Variants in LPP observed in about 807,000 individuals in gnomAD.
The protein encoded by LPP is LIM domain containing preferred translocation partner in lipoma.
In LPP, 38 loss-of-function variants were observed where a neutral mutation model predicts 60.4. The observed-to-expected ratio is 0.63, with a 90% confidence interval of 0.49 to 0.83. LPP has a LOEUF of 0.83. LPP is among the 40% of genes least tolerant of loss of function. The pLI is 0.00. For missense variants in LPP, 902 were observed against 783.6 expected, an observed-to-expected ratio of 1.15 and a Z score of -1.80; for synonymous variants, 328 against 290.8, an observed-to-expected ratio of 1.13 and a Z score of -1.30.
intron 5 of LPP, among the ~76,000 whole-genome samples, chr3:188,516,997 T>A (rs1366744379): frequency 6.6e-6 from 1 of 152,224 alleles, no homozygotes; most frequent in African/African-American, 2.4e-5. Flanking sequence ...TTACTTTTGA[T>A]CAAAGTACTT....
intron 8 of LPP, among the ~76,000 whole-genome samples, chr3:188,714,123 C>T (rs934033103): frequency 1.3e-5 from 2 of 152,136 alleles, no homozygotes; most frequent in African/African-American, 2.4e-5. Context: ...GTTGTTCAAG[C>T]TCACATAGCT....
chr3:188,680,949 G>A (rs1274758444), intron 7 of LPP, among the ~76,000 whole-genome samples: 2 of 151,384 alleles, frequency 1.3e-5, no homozygotes, highest in Admixed American at 1.3e-4. Context: ...TGAGAATGCA[G>A]CTCCAGCTGA....
chr3:188,176,987 C>A (rs544225341), intron 1 of LPP, among the ~76,000 whole-genome samples: 1 of 152,340 alleles, frequency 6.6e-6, no homozygotes, highest in East Asian at 1.9e-4. Context: ...TTGAAATAGA[C>A]TTAGCTTAAG....
chr3:188,265,853 T>C (rs1423467396), intron 2 of LPP, among the ~76,000 whole-genome samples: 1 of 148,750 alleles, frequency 6.7e-6, no homozygotes, highest in Non-Finnish European at 1.5e-5. Flanking sequence ...GTAAAAGGGC[T>C]GTGATAGGAT....
chr3:188,169,513 G>A (rs1720944685), intron 1 of LPP, among the ~76,000 whole-genome samples: 1 of 152,206 alleles, frequency 6.6e-6, no homozygotes. Context: ...TGTTAAGGCT[G>A]TTTTATTAAG....
intron 1 of LPP, among the ~76,000 whole-genome samples, chr3:188,162,719 CA>C (rs1046087423): frequency 6.6e-5 from 10 of 152,186 alleles, no homozygotes; most frequent in African/African-American, 2.4e-4. Context: ...TTGTGAGAAT[CA>C]GGGGCATTTC....
At chr3:188,556,041 G>C (rs1414395246) in intron 6 of LPP, among the ~76,000 whole-genome samples, 2 of 152,134 alleles carry the variant, frequency 1.3e-5, no homozygotes, top group African/African-American at 4.8e-5. Context: ...TGTGCTTCAA[G>C]AGTGAGTGTG....
intron 3 of LPP, among the ~76,000 whole-genome samples, chr3:188,374,895 T>G (rs1196541588): frequency 6.6e-6 from 1 of 152,072 alleles, no homozygotes; most frequent in Non-Finnish European, 1.5e-5. Context: ...ATACCTAATT[T>G]ATTGAGAGTT....
At chr3:188,660,679 ATT>A (rs942336938) in intron 7 of LPP, among the ~76,000 whole-genome samples, 4 of 150,784 alleles carry the variant, frequency 2.7e-5, no homozygotes, top group Non-Finnish European at 5.9e-5. Context: ...TTAAATAGGC[ATT>A]TTACTTTTAA....
chr3:188,280,211 C>A (rs6444277), intron 2 of LPP, among the ~76,000 whole-genome samples: 1 of 151,954 alleles, frequency 6.6e-6, no homozygotes, highest in Non-Finnish European at 1.5e-5. Context: ...TTTTGTAACC[C>A]GAAGAGGGTG....
Position 188,874,447 on chromosome 3 carries a change from G to A in LPP, c.1807G>A (p.Val603Met), listed in dbSNP as rs781398876. 6.8e-6 allele frequency: 11 copies of A among 1,614,070 alleles called. No homozygotes were observed. In the East Asian group the frequency reaches 2.0e-4, roughly 29 times the overall value. The change falls in exon 12 of 12, where the codon GTG (valine) becomes ATG (methionine). Residue 603 changes from valine (V) to methionine (M), a missense_variant. Val to Met is a conservative substitution (Grantham distance 21). Transcript: ENST00000617246. ...CKTCNSARIR[V>M]LTAKASTDL ...GACCTGCAACTCTGCCCGCATCAGG[G>A]TGTTGACCGCCAAGGCGAGCACTGA...
chr3:188,269,645 A>ATGTGTGTGTGTGTGTGTGTGTG (rs368115626), intron 2 of LPP, among the ~76,000 whole-genome samples: 5 of 136,514 alleles, frequency 3.7e-5, no homozygotes, highest in Admixed American at 7.3e-5. Context: ...CTTTTTTTTT[A>ATGTGTGTGTGTGTGTGTGTGTG]TGTGTGTGTG....
chr3:188,541,910 AC>A (rs909411582), intron 6 of LPP, among the ~76,000 whole-genome samples: 21 of 152,288 alleles, frequency 1.4e-4, no homozygotes, highest in African/African-American at 4.3e-4. Flanking sequence ...ACACAAAAAA[AC>A]AAAAACAAAA....
chr3:188,434,249 ATGTCAATGTAATATATAT>A (rs1309440136), intron 4 of LPP, among the ~76,000 whole-genome samples: 2 of 152,196 alleles, frequency 1.3e-5, no homozygotes, highest in East Asian at 3.8e-4. Flanking sequence ...ATATATGTAC[ATGTCAATGTAATATATAT>A]TGTCAATGTA....
At position 188,608,639 on chromosome 3, in the gene LPP, T is replaced by C. The variant is rs1483437001; in HGVS notation, c.430-522T>C. On this transcript the variant is annotated intron_variant, in intron 6 of 11. Transcript: ENST00000617246. ...GCTTTGTTCTTGGCTTCAAGATTGA[T>C]AAGGCTTTTTGTGGTCTTTTGTGGT... Among the ~76,000 whole-genome samples, 7 of 152,356 alleles carry C rather than the reference T, an allele frequency of 4.6e-5. No homozygotes were observed. The East Asian group carries it at 1.3e-3, about 29-fold the overall frequency.
At chr3:188,678,333 T>G (rs1471355452) in intron 7 of LPP, among the ~76,000 whole-genome samples, 2 of 152,342 alleles carry the variant, frequency 1.3e-5, no homozygotes, top group East Asian at 3.9e-4. Flanking sequence ...ACAGCTCAGA[T>G]TTATTTCTAT....
intron 6 of LPP, among the ~76,000 whole-genome samples, chr3:188,525,293 T>C (rs1186072119): frequency 6.6e-6 from 1 of 152,140 alleles, no homozygotes; most frequent in Non-Finnish European, 1.5e-5. Context: ...CTTCTTAGAG[T>C]CAATGATTTA....
At chr3:188,502,386 C>G (rs890561019) in intron 5 of LPP, among the ~76,000 whole-genome samples, 35 of 151,932 alleles carry the variant, frequency 2.3e-4, no homozygotes, top group Admixed American at 2.1e-3. Flanking sequence ...TGTCTTTTAG[C>G]CTTTTTTGAC....
At chr3:188,602,010 G>A (rs1182797648) in intron 6 of LPP, among the ~76,000 whole-genome samples, 1 of 149,946 alleles carries the variant, frequency 6.7e-6, no homozygotes, top group East Asian at 1.9e-4. Flanking sequence ...AGAGGTTGCA[G>A]TGAGCTGAGA....
Sources: gnomAD v4.1 joint callset for allele counts (sites outside exome capture counted in the v4.1 genomes callset) on GRCh38, gnomAD v4.1.1 for gene constraint, MANE v1.5 for transcripts, NCBI Gene and HGNC (gene_info 2026-07-23, HGNC 2026-07-21) for gene names.